PCED1B: variants seen among roughly 807,000 people sequenced by gnomAD.
PCED1B encodes the protein PC-esterase domain-containing protein 1B.
For missense variants in PCED1B, 573 were observed against 573.9 expected (o/e 1.00, Z 0.02); for synonymous variants, 251 against 246.1 (o/e 1.02, Z -0.19).
At chr12:47,103,706 C>T (rs1938819788) in intron 1 of PCED1B, among the ~76,000 whole-genome samples, 1 of 152,100 alleles carries the variant, frequency 6.6e-6, no homozygotes, top group Admixed American at 6.6e-5. Flanking sequence ...TGACTCCTGC[C>T]CCATGCCCAC....
At chr12:47,152,425 A>C (rs1941028438) in intron 2 of PCED1B, among the ~76,000 whole-genome samples, 1 of 152,230 alleles carries the variant, frequency 6.6e-6, no homozygotes, top group Non-Finnish European at 1.5e-5. Context: ...AGAAAACATC[A>C]AACAAACCCA....
chr12:47,235,337 T>A lies in PCED1B; in HGVS notation c.274T>A (p.Tyr92Asn). 1 of 1,614,166 alleles carries A rather than the reference T, an allele frequency of 6.2e-7. No individual in the cohort carries two copies. The highest frequency in any genetic ancestry group is 8.5e-7 in the Non-Finnish European group (1 of 1,180,046). The part of the protein sequence containing the change: ...FRSDHHLVRF[Y>N]FLTRVYSDYL... ...CTCCGACCACCATCTGGTACGTTTT[T>A]ACTTCCTCACCCGCGTGTACTCCGA... is the stretch of plus-strand genomic sequence containing the variant. Residue 92 changes from tyrosine (Y) to asparagine (N), a missense_variant, in exon 4 of 4, where the codon TAC (tyrosine) becomes AAC (asparagine). Physicochemically the swap from Tyr to Asn is moderately radical, Grantham distance 143. Coordinates refer to ENST00000546455, the MANE Select transcript of PCED1B (RefSeq NM_138371.3).
intron 2 of PCED1B, among the ~76,000 whole-genome samples, chr12:47,106,885 C>T (rs1487899738): frequency 6.6e-6 from 1 of 152,036 alleles, no homozygotes; most frequent in Non-Finnish European, 1.5e-5. Flanking sequence ...CCTCTGCTTC[C>T]GGGGCCCGCA....
At position 47,235,695 on chromosome 12, in the gene PCED1B, T is replaced by C; in HGVS notation, c.632T>C (p.Val211Ala). Reference protein sequence around the residue: ...ATEARKHNFDVLDLHFHFRHA... With the variant: ...ATEARKHNFDALDLHFHFRHA... ...GAGGCACGTAAACATAACTTCGATGTACTGGACTTGCATTTCCACTTCCGC... is the reference window on the plus strand; with the variant it reads ...GAGGCACGTAAACATAACTTCGATGCACTGGACTTGCATTTCCACTTCCGC... Residue 211 changes from valine to alanine, a missense_variant, in exon 4 of 4, where the codon GTA (valine) becomes GCA (alanine). Val to Ala is a moderately conservative substitution (Grantham distance 64). Transcript: ENST00000546455. The C allele has an allele frequency of 3.1e-6, 5 of 1,613,158 alleles. No homozygotes were observed. Among genetic ancestry groups the C allele is most frequent in the Non-Finnish European group, 4.2e-6 (5 of 1,179,828 alleles).
chr12:47,236,157 C>A lies in PCED1B; in HGVS notation c.1094C>A (p.Ala365Glu), dbSNP rs781294958. 5 of 1,614,176 alleles carry A rather than the reference C, an allele frequency of 3.1e-6. No homozygotes were observed. The South Asian group carries it at 3.3e-5, about 11-fold the overall frequency. ...TCAGATGTCCCCTCATCAGCCCATG[C>A]AGGTTTCTTCGTCGAAGACAATTTT... ...CHSDVPSSAH[A>E]GFFVEDNFMV... The change falls in exon 4 of 4, where the codon GCA becomes GAA. Residue 365 changes from alanine (A) to glutamate (E), a missense_variant. Coordinates refer to ENST00000546455, the MANE Select transcript of PCED1B (RefSeq NM_138371.3).
At chr12:47,082,428 T>C (rs941677777) in intron 1 of PCED1B, among the ~76,000 whole-genome samples, 1 of 152,258 alleles carries the variant, frequency 6.6e-6, no homozygotes, top group Non-Finnish European at 1.5e-5. Context: ...CTGTAAATGT[T>C]ATTTGAGTCC....
At chr12:47,226,603 G>T (rs958511222) in intron 3 of PCED1B, among the ~76,000 whole-genome samples, 1 of 152,160 alleles carries the variant, frequency 6.6e-6, no homozygotes, top group Non-Finnish European at 1.5e-5. Context: ...TTGAACTCCT[G>T]ATCTCAAGTT....
At chr12:47,086,083 A>G (rs1937967324) in intron 1 of PCED1B, among the ~76,000 whole-genome samples, 1 of 152,176 alleles carries the variant, frequency 6.6e-6, no homozygotes, top group African/African-American at 2.4e-5. Flanking sequence ...CAATAGCCAT[A>G]CAAGTCTGAC....
intron 2 of PCED1B, among the ~76,000 whole-genome samples, chr12:47,198,732 A>C (rs1592272603): frequency 6.6e-6 from 1 of 152,182 alleles, no homozygotes; most frequent in East Asian, 1.9e-4. Flanking sequence ...TGGGTGGCCA[A>C]GGCAGGCGGA....
At chr12:47,084,743 C>T (rs1358138093) in intron 1 of PCED1B, among the ~76,000 whole-genome samples, 2 of 152,176 alleles carry the variant, frequency 1.3e-5, no homozygotes, top group Non-Finnish European at 2.9e-5. Context: ...TACCCAGAGT[C>T]TTGAATTATA....
In PCED1B at chr12:47,178,571, T is replaced by C. The variant is rs117511882; in HGVS notation, c.-525-37651T>C. On this transcript the variant is annotated intron_variant, in intron 2 of 3. Coordinates refer to ENST00000546455, the MANE Select transcript of PCED1B (RefSeq NM_138371.3). ...TCAAAAAATAAAGGGAAAAAAAGCA[T>C]AGAAAATTGGGATGAGGCCAGGCGC... Among the ~76,000 whole-genome samples, 547 of 152,002 alleles carry C rather than the reference T, an allele frequency of 3.6e-3. 10 individuals are homozygous for C. The South Asian group carries it at 0.04, about 11-fold the overall frequency.
Position 47,107,353 on chromosome 12 carries a change from G to A in PCED1B, c.-526+3158G>A, listed in dbSNP as rs58202844. Among the ~76,000 whole-genome samples the A allele has an allele frequency of 5.3e-3, 810 of 152,256 alleles. 6 individuals are homozygous for A. The highest frequency in any genetic ancestry group is 0.019 in the African/African-American group (777 of 41,522). On this transcript the variant is annotated intron_variant, in intron 2 of 3. Coordinates refer to ENST00000546455, the MANE Select transcript of PCED1B (RefSeq NM_138371.3). ...TCTCCCGGCATGTCTGTGAGAGAAG[G>A]GACAGCATAAACTCTGCCATAGGAG...
chr12:47,181,246 A>G (rs1414596220), intron 2 of PCED1B, among the ~76,000 whole-genome samples: 1 of 152,058 alleles, frequency 6.6e-6, no homozygotes, highest in Non-Finnish European at 1.5e-5. Context: ...CAGTCTCTCA[A>G]AATGCTGGCA....
At chr12:47,117,777 T>A (rs889247107) in intron 2 of PCED1B, among the ~76,000 whole-genome samples, 4 of 152,216 alleles carry the variant, frequency 2.6e-5, no homozygotes, top group African/African-American at 9.6e-5. Flanking sequence ...CGCCACACTG[T>A]CTTCCACAAT....
In PCED1B at chr12:47,136,926, C is replaced by T. The variant is rs56883233; in HGVS notation, c.-526+32731C>T. ...ATGTGCCACCGTCACTCCTTTGCCACGTAACCTTGGGTAACTCCCTCAGTT... is the reference window on the plus strand; with the variant it reads ...ATGTGCCACCGTCACTCCTTTGCCATGTAACCTTGGGTAACTCCCTCAGTT... On this transcript the variant is annotated intron_variant, in intron 2 of 3. Coordinates refer to ENST00000546455, the MANE Select transcript of PCED1B (RefSeq NM_138371.3). Among the ~76,000 whole-genome samples, 793 of 152,306 alleles carry T rather than the reference C, an allele frequency of 5.2e-3. 6 individuals are homozygous for T. The highest frequency in any genetic ancestry group is 0.017 in the African/African-American group (725 of 41,568).
At chr12:47,173,026 A>G (rs1166326527) in intron 2 of PCED1B, among the ~76,000 whole-genome samples, 1 of 152,208 alleles carries the variant, frequency 6.6e-6, no homozygotes, top group African/African-American at 2.4e-5. Context: ...GAGAAAATCA[A>G]CTGAGACAAT....
At chr12:47,088,595 T>C (rs1345173088) in intron 1 of PCED1B, among the ~76,000 whole-genome samples, 1 of 152,158 alleles carries the variant, frequency 6.6e-6, no homozygotes, top group East Asian at 1.9e-4. Flanking sequence ...AAATAAAAAA[T>C]AATAATAATC....
At chr12:47,228,038 C>T (rs1592321230) in intron 3 of PCED1B, among the ~76,000 whole-genome samples, 1 of 143,492 alleles carries the variant, frequency 7.0e-6, no homozygotes, top group African/African-American at 2.6e-5. Flanking sequence ...TTTTCTTTTC[C>T]TTTTTTTTTT....
At chr12:47,224,292 C>T (rs1943570623) in intron 3 of PCED1B, among the ~76,000 whole-genome samples, 1 of 152,280 alleles carries the variant, frequency 6.6e-6, no homozygotes. Flanking sequence ...CAGAAGTTAC[C>T]TGCATTTCAG....
Sources: gnomAD v4.1 joint callset for allele counts (sites outside exome capture counted in the v4.1 genomes callset) on GRCh38, gnomAD v4.1.1 for gene constraint, MANE v1.5 for transcripts, NCBI Gene and HGNC (gene_info 2026-07-23, HGNC 2026-07-21) for gene names.